ELOVL5: variants seen among roughly 807,000 people sequenced by gnomAD.
The protein encoded by ELOVL5 is very long chain fatty acid elongase 5.
In ELOVL5, 8 loss-of-function variants were observed where a neutral mutation model predicts 38.6. That is an observed-to-expected ratio of 0.21 (90% CI 0.12 to 0.37). ELOVL5 has a LOEUF of 0.37. Among genes scored for constraint, ELOVL5 ranks in the 10% least tolerant of loss-of-function variants. The pLI, the probability that ELOVL5 is intolerant of heterozygous loss-of-function variation, is 1.00. For missense variants in ELOVL5, 280 were observed against 367.8 expected (o/e 0.76, Z 1.95); for synonymous variants, 127 against 133.7 (o/e 0.95, Z 0.34).
chr6:53,307,633 A>G (rs1767637233), intron 1 of ELOVL5, among the ~76,000 whole-genome samples: 1 of 152,118 alleles, frequency 6.6e-6, no homozygotes, highest in Admixed American at 6.6e-5. Context: ...CAGCTCTGTT[A>G]TTTTCTATTT....
At chr6:53,280,973 A>G (rs546417876) in intron 3 of ELOVL5, among the ~76,000 whole-genome samples, 2 of 152,168 alleles carry the variant, frequency 1.3e-5, no homozygotes, top group Non-Finnish European at 2.9e-5. Context: ...TGTAACCTTT[A>G]GCATAATAAC....
chr6:53,283,532 CTA>C (rs1165368505), intron 3 of ELOVL5, among the ~76,000 whole-genome samples: 1 of 152,132 alleles, frequency 6.6e-6, no homozygotes, highest in Non-Finnish European at 1.5e-5. Flanking sequence ...GTCATCTAAT[CTA>C]TATCACTGGG....
intron 3 of ELOVL5, among the ~76,000 whole-genome samples, chr6:53,288,970 G>C (rs1229774563): frequency 6.6e-6 from 1 of 152,166 alleles, no homozygotes; most frequent in East Asian, 1.9e-4. Flanking sequence ...GGAGGTTGAG[G>C]CGGGAGATCA....
intron 1 of ELOVL5, among the ~76,000 whole-genome samples, chr6:53,305,433 C>T (rs1030445695): frequency 6.6e-5 from 10 of 151,212 alleles, no homozygotes; most frequent in African/African-American, 2.4e-4. Context: ...AGACGCTCCT[C>T]ACTTCCCAGA....
rs746330453 is a variant in ELOVL5, at chr6:53,273,366, G to C, written c.497-22C>G. On this transcript the variant is annotated intron_variant, in intron 5 of 7. Transcript: ENST00000304434. ...TAAGCTGCAGGAACAGAGGGATTTG[G>C]GAAGGAGAATGTATTAGTGTTTTAA... The C allele has an allele frequency of 5.0e-5, 81 of 1,611,660 alleles. 2 individuals carry two copies. In the South Asian group the frequency reaches 8.6e-4, roughly 17 times the overall value.
intron 1 of ELOVL5, among the ~76,000 whole-genome samples, chr6:53,333,525 G>A (rs1269294843): frequency 1.3e-5 from 2 of 152,120 alleles, no homozygotes; most frequent in South Asian, 2.1e-4. Context: ...AAATCGTGCT[G>A]CACTCAGTTT....
chr6:53,339,600 G>T (rs1189412687), intron 1 of ELOVL5, among the ~76,000 whole-genome samples: 1 of 152,184 alleles, frequency 6.6e-6, no homozygotes, highest in Non-Finnish European at 1.5e-5. Flanking sequence ...TAATGGAGCT[G>T]AAAAACTCCT....
At chr6:53,338,043 T>C (rs1034766734) in intron 1 of ELOVL5, among the ~76,000 whole-genome samples, 3 of 152,170 alleles carry the variant, frequency 2.0e-5, no homozygotes, top group Non-Finnish European at 4.4e-5. Context: ...TGAAAAGTTA[T>C]GAGTCTGGAG....
intron 2 of ELOVL5, among the ~76,000 whole-genome samples, chr6:53,292,880 G>A (rs1452981394): frequency 6.6e-6 from 1 of 152,194 alleles, no homozygotes; most frequent in African/African-American, 2.4e-5. Context: ...TTAACAAACT[G>A]AGGAGTAGTA....
At position 53,269,046 on chromosome 6, in the gene ELOVL5, G is replaced by T. The variant is rs1765829249; in HGVS notation, c.*81C>A. 2.0e-6 allele frequency: 3 copies of T among 1,509,884 alleles called. No homozygotes were observed. The highest frequency in any genetic ancestry group is 2.7e-6 in the Non-Finnish European group (3 of 1,109,874). 93.5% of individuals were successfully genotyped at this position (1,509,884 alleles called of 1,614,324 possible). ...ATTGTAGGCCAGACTAGTTACAGCA[G>T]CTGTTAACGAGCATTGGGGCACAAC... On this transcript the variant is annotated 3_prime_UTR_variant, in exon 8 of 8. Transcript: ENST00000304434.
chr6:53,336,636 T>A (rs912734718), intron 1 of ELOVL5, among the ~76,000 whole-genome samples: 7 of 152,216 alleles, frequency 4.6e-5, no homozygotes, highest in African/African-American at 1.7e-4. Flanking sequence ...CACTCCATCC[T>A]GGGCAATTGG....
chr6:53,287,801 C>A, intron 3 of ELOVL5: 26 of 1,428,258 alleles, frequency 1.8e-5, no homozygotes, highest in Non-Finnish European at 2.5e-5. Context: ...AAGGAGCCAG[C>A]CATCCTTTCA....
At chr6:53,316,130 C>T (rs934157222) in intron 1 of ELOVL5, among the ~76,000 whole-genome samples, 2 of 152,152 alleles carry the variant, frequency 1.3e-5, no homozygotes. Context: ...CAATTCGTGG[C>T]AGCTATTTTT....
At chr6:53,279,589 C>T (rs1262147378) in intron 3 of ELOVL5, among the ~76,000 whole-genome samples, 1 of 152,166 alleles carries the variant, frequency 6.6e-6, no homozygotes, top group East Asian at 1.9e-4. Flanking sequence ...AAACAAATGA[C>T]AAAGAGTTCA....
intron 1 of ELOVL5, among the ~76,000 whole-genome samples, chr6:53,311,342 T>C (rs1391327928): frequency 2.0e-5 from 3 of 152,076 alleles, no homozygotes; most frequent in Admixed American, 6.5e-5. Context: ...ACTGGCCAAG[T>C]AGATGGAGAA....
intron 1 of ELOVL5, among the ~76,000 whole-genome samples, chr6:53,333,957 T>C (rs1313122233): frequency 1.3e-5 from 2 of 152,162 alleles, no homozygotes; most frequent in African/African-American, 2.4e-5. Context: ...TGCCTGTCTA[T>C]TGACCTCCCT....
At chr6:53,329,653 G>A (rs150073315) in intron 1 of ELOVL5, among the ~76,000 whole-genome samples, 3 of 152,148 alleles carry the variant, frequency 2.0e-5, no homozygotes, top group African/African-American at 4.8e-5. Flanking sequence ...GTGAAACCCC[G>A]TCTCTACTAA....
At chr6:53,298,900 C>CGGGGGGGGGCAGGGGG (rs1767131501) in intron 1 of ELOVL5, among the ~76,000 whole-genome samples, 1 of 79,404 alleles carries the variant, frequency 1.3e-5, no homozygotes, top group African/African-American at 4.6e-5. Context: ...GGGGGCAAGG[C>CGGGGGGGGGCAGGGGG]GGGGGGGGGG....
At chr6:53,324,252 C>CAAAAAAAAAAAA (rs59453946) in intron 1 of ELOVL5, among the ~76,000 whole-genome samples, 1 of 110,366 alleles carries the variant, frequency 9.1e-6, no homozygotes, top group Non-Finnish European at 1.8e-5. Context: ...GACTCTACCT[C>CAAAAAAAAAAAA]AAAAAAAAAA....
Sources: gnomAD v4.1 joint callset for allele counts (sites outside exome capture counted in the v4.1 genomes callset) on GRCh38, gnomAD v4.1.1 for gene constraint, MANE v1.5 for transcripts, NCBI Gene and HGNC (gene_info 2026-07-23, HGNC 2026-07-21) for gene names.